The following ARHGAP22 variants were observed in gnomAD, a reference collection of about 807,000 sequenced individuals.
ARHGAP22 encodes Rho GTPase activating protein 22, also known as rho GTPase-activating protein 22.
A neutral mutation model predicts 59.1 loss-of-function variants in ARHGAP22; 48 were observed. The observed-to-expected ratio is 0.81, with a 90% confidence interval of 0.64 to 1.03. The LOEUF (loss-of-function observed/expected upper bound fraction) is 1.03. ARHGAP22 is among the 50% of genes least tolerant of loss of function. The probability of loss-of-function intolerance (pLI) is 0.00; values close to 1 mark genes in which losing one functional copy is unlikely to be tolerated. For synonymous variants in ARHGAP22, 445 were observed against 416.4 expected (o/e 1.07, Z -0.84); for missense variants, 1,015 against 958.7 (o/e 1.06, Z -0.78).
chr10:48,430,961 G>GTGAA, the ARHGAP22 span: 2 of 537,136 alleles, frequency 3.7e-6, no homozygotes, highest in South Asian at 4.5e-5. Context: ...TTCAGAAACA[G>GTGAA]TGAATTACAG....
chr10:48,655,089 CTTCT>C (rs1420637015), upstream of ARHGAP22, among the ~76,000 whole-genome samples: 20 of 78,678 alleles, frequency 2.5e-4, 3 homozygotes, highest in African/African-American at 9.7e-4. Context: ...CTTCTCTTCT[CTTCT>C]CTTCTCTTCT....
At chr10:48,612,731 A>T (rs1316059389) in intron 1 of ARHGAP22, among the ~76,000 whole-genome samples, 4 of 152,200 alleles carry the variant, frequency 2.6e-5, no homozygotes, top group Non-Finnish European at 5.9e-5. Flanking sequence ...GTGACTCACA[A>T]CCCACAGAAT....
intron 2 of ARHGAP22, among the ~76,000 whole-genome samples, chr10:48,577,856 AGG>A (rs2058845594): frequency 1.7e-5 from 2 of 117,030 alleles, no homozygotes; most frequent in African/African-American, 6.8e-5. Flanking sequence ...TCTGCTGCCC[AGG>A]CTGAAGTGCA....
intron 1 of ARHGAP22, among the ~76,000 whole-genome samples, chr10:48,621,733 T>C (rs2061293553): frequency 1.3e-5 from 2 of 152,242 alleles, no homozygotes; most frequent in Admixed American, 6.5e-5. Context: ...TATTCTGTTA[T>C]TGGAATTGAG....
intron 1 of ARHGAP22, among the ~76,000 whole-genome samples, chr10:48,648,672 A>G (rs565884803): frequency 6.6e-6 from 1 of 152,344 alleles, no homozygotes; most frequent in Admixed American, 6.5e-5. Context: ...TCTGTAGGCC[A>G]GGCAGCTGTC....
At chr10:48,578,101 G>A (rs902655981) in intron 2 of ARHGAP22, among the ~76,000 whole-genome samples, 31 of 152,164 alleles carry the variant, frequency 2.0e-4, no homozygotes, top group African/African-American at 6.3e-4. Context: ...GAGCCACTGC[G>A]CCTGGCCCTA....
At chr10:48,504,924 G>T (rs1440880353) in intron 3 of ARHGAP22, among the ~76,000 whole-genome samples, 1 of 152,122 alleles carries the variant, frequency 6.6e-6, no homozygotes, top group African/African-American at 2.4e-5. Context: ...AAATTTGAGA[G>T]CATGGGGTTC....
rs1490356981 is a variant in ARHGAP22 at position 48,583,085 on chromosome 10, C to T, written c.102G>A (p.Arg34=). The change falls in exon 2 of 10, where the codon AGG becomes AGA. Residue 34 remains arginine, a synonymous_variant. Coordinates refer to ENST00000249601, the MANE Select transcript of ARHGAP22 (RefSeq NM_021226.4). ...RSPGRMPCPH[R]LGPVLKAGWL... is the part of the protein sequence containing the mutation. ...AGCCCGCCTTCAGCACGGGGCCCAG[C>T]CTGTGAGGGCACGGCATCCGCCCAG... The T allele has an allele frequency of 6.2e-7, 1 of 1,614,264 alleles. No individual in the cohort carries two copies. Among genetic ancestry groups the T allele is most frequent in the African/African-American group, 1.3e-5 (1 of 75,086 alleles).
chr10:48,496,229 C>G (rs1419571794), intron 3 of ARHGAP22, among the ~76,000 whole-genome samples: 1 of 152,192 alleles, frequency 6.6e-6, no homozygotes, highest in African/African-American at 2.4e-5. Flanking sequence ...AACCATCCCC[C>G]TTATGGTCGG....
chr10:48,451,736 C>A (rs1328302185), intron 8 of ARHGAP22: 1 of 597,288 alleles, frequency 1.7e-6, no homozygotes, highest in Non-Finnish European at 3.0e-6. Flanking sequence ...CACAACTGGA[C>A]AATGCACCCA....
chr10:48,450,032 C>T (rs556800497), intron 9 of ARHGAP22, among the ~76,000 whole-genome samples: 1 of 152,372 alleles, frequency 6.6e-6, no homozygotes, highest in Non-Finnish European at 1.5e-5. Context: ...TGCGTGGAGT[C>T]AGCAGGCCTC....
At chr10:48,461,911 A>G (rs1439609078) in intron 4 of ARHGAP22, among the ~76,000 whole-genome samples, 1 of 152,140 alleles carries the variant, frequency 6.6e-6, no homozygotes, top group East Asian at 1.9e-4. Flanking sequence ...TTAGCTTCCC[A>G]CCCAGGGGCT....
In ARHGAP22 at chr10:48,471,750, C is replaced by A. The variant is rs758914729; in HGVS notation, c.451+7886G>T. Among the ~76,000 whole-genome samples the A allele has an allele frequency of 5.9e-5, 9 of 152,206 alleles. No individual in the cohort carries two copies. In the East Asian group the frequency reaches 9.6e-4, roughly 16 times the overall value. ...AATCTGATCACTTTCACTACCCTGA[C>A]CACAGGGAGAGCACCCCCTTCTCTT... On this transcript the variant is annotated intron_variant, in intron 4 of 9. Transcript: ENST00000249601.
intron 3 of ARHGAP22, among the ~76,000 whole-genome samples, chr10:48,521,573 G>A (rs1048581294): frequency 1.3e-5 from 2 of 152,188 alleles, no homozygotes; most frequent in Admixed American, 1.3e-4. Flanking sequence ...TGCTTTAATT[G>A]AAATGATATC....
chr10:48,519,775 G>A (rs966734402), intron 3 of ARHGAP22, among the ~76,000 whole-genome samples: 4 of 152,182 alleles, frequency 2.6e-5, no homozygotes, highest in Admixed American at 1.3e-4. Context: ...GGTGTGGTGC[G>A]GAAACCAGAG....
chr10:48,541,011 A>C (rs1466067446), intron 3 of ARHGAP22, among the ~76,000 whole-genome samples: 1 of 152,078 alleles, frequency 6.6e-6, no homozygotes, highest in East Asian at 2.0e-4. Flanking sequence ...CAGAGCACCC[A>C]GGACAAACTG....
intron 1 of ARHGAP22, among the ~76,000 whole-genome samples, chr10:48,588,098 C>T (rs1434623254): frequency 6.6e-6 from 1 of 152,258 alleles, no homozygotes; most frequent in Non-Finnish European, 1.5e-5. Flanking sequence ...AAGGTGGGCA[C>T]ATTCTGTGCC....
chr10:48,543,061 GC>G (rs2056111855), intron 3 of ARHGAP22, among the ~76,000 whole-genome samples: 1 of 152,152 alleles, frequency 6.6e-6, no homozygotes, highest in Non-Finnish European at 1.5e-5. Flanking sequence ...CAACTTGGGG[GC>G]CCCTGGGTGT....
intron 3 of ARHGAP22, chr10:48,510,461 G>C (rs1234981752): frequency 6.6e-6 from 1 of 152,250 alleles, no homozygotes; most frequent in Non-Finnish European, 1.5e-5. Context: ...AGAAAGCGGT[G>C]CCTGACCCCA....
Sources: gnomAD v4.1 joint callset for allele counts (sites outside exome capture counted in the v4.1 genomes callset) on GRCh38, gnomAD v4.1.1 for gene constraint, MANE v1.5 for transcripts, NCBI Gene and HGNC (gene_info 2026-07-23, HGNC 2026-07-21) for gene names.